RBBP4: variants seen among roughly 807,000 people sequenced by gnomAD.
The protein encoded by RBBP4 is RB binding protein 4, chromatin remodeling factor.
In RBBP4, 3 loss-of-function variants were observed where a neutral mutation model predicts 57.2. The observed-to-expected ratio is 0.05, with a 90% CI of 0.02 to 0.14. RBBP4 has a LOEUF of 0.14. Ranked by LOEUF, RBBP4 falls within the 10% of genes least tolerant of loss-of-function variation. The pLI is 1.00. For missense variants in RBBP4, 107 were observed against 520.6 expected (o/e 0.21, Z 7.73); for synonymous variants, 151 against 171.5 (o/e 0.88, Z 0.93).
At chr1:32,662,480 A>G (rs1085423) in intron 3 of RBBP4, 149,438 of 153,528 alleles carry the variant, frequency 0.97, 72,858 homozygotes, top group East Asian at 1. Flanking sequence ...AGGTTCAAGC[A>G]ATTCTCCTGT....
rs756333133 is a variant in RBBP4 at position 32,673,550 on chromosome 1, G to C, written c.1212+649G>C. The C allele has an allele frequency of 4.9e-5, 19 of 390,180 alleles. No homozygotes were observed. In the East Asian group the frequency reaches 7.3e-4, roughly 15 times the overall value. 24.2% of individuals were successfully genotyped at this position (390,180 alleles called of 1,614,324 possible). Reference sequence around the variant, plus strand: ...CCTCCCAGGTTCGATCGATTCTCCTGCCTCAGCCTTCTGAGTAGCTGGGAC... The same window carrying C: ...CCTCCCAGGTTCGATCGATTCTCCTCCCTCAGCCTTCTGAGTAGCTGGGAC... On this transcript the variant is annotated intron_variant, in intron 11 of 11. Coordinates refer to ENST00000373493, the MANE Select transcript of RBBP4 (RefSeq NM_005610.3).
In RBBP4 at chr1:32,683,686, T is replaced by TACA. The variant is rs1649604934; in HGVS notation, c.*3981_*3982insACA. The stretch of plus-strand genomic sequence containing the variant: ...TCTCACTCTGTTGTACAAGCTGGAG[T>TACA]GCTGTATTGTGATCTTGACTCACTG... On this transcript the variant is annotated 3_prime_UTR_variant, in exon 12 of 12. Coordinates refer to ENST00000373493, the MANE Select transcript of RBBP4 (RefSeq NM_005610.3). The TACA allele has an allele frequency of 4.4e-6, 1 of 228,126 alleles. No individual in the cohort carries two copies. The highest frequency in any genetic ancestry group is 8.7e-6 in the Non-Finnish European group (1 of 114,810). 14.1% of individuals were successfully genotyped at this position (228,126 alleles called of 1,614,324 possible). A position where few individuals can be genotyped will look rare whatever the true frequency, so the allele number is the denominator to read the frequency against.
chr1:32,668,824 T>C lies in RBBP4; in HGVS notation c.570T>C (p.Ser190=). 1 of 1,614,210 alleles carries C rather than the reference T, an allele frequency of 6.2e-7. No individual in the cohort carries two copies. The highest frequency in any genetic ancestry group is 1.1e-5 in the South Asian group (1 of 91,088). The change falls in exon 5 of 12, where the codon AGT becomes AGC. Residue 190 remains serine, a synonymous_variant. Transcript: ENST00000373493. ...GGCTTTCTTGGAACCCAAATCTCAG[T>C]GGGCACTTACTTAGTGCTTCAGATG... The part of the protein sequence containing the change: ...GYGLSWNPNL[S]GHLLSASDDH...
intron 4 of RBBP4, 126 bp from the exon 5 acceptor site, chr1:32,668,613 C>T: frequency 1.2e-6 from 1 of 857,788 alleles, no homozygotes; most frequent in South Asian, 1.7e-5. Context: ...TCTATTTGAT[C>T]ATAACGGTTC....
At position 32,681,756 on chromosome 1, in the gene RBBP4, T is replaced by G. The variant is rs6659926; in HGVS notation, c.*2051T>G. 2.9e-3 allele frequency: 4,624 copies of G among 1,607,186 alleles called. 33 individuals are homozygous for G. The highest frequency in any genetic ancestry group is 0.027 in the Middle Eastern group (163 of 6,048). On this transcript the variant is annotated 3_prime_UTR_variant, in exon 12 of 12. Transcript: ENST00000373493. ...TTGCTTGCCAAGTTTCTGGCACTCT[T>G]GTCTGGTTGGAAGAGTACATCCAAA...
intron 2 of RBBP4, among the ~76,000 whole-genome samples, chr1:32,652,984 G>A (rs1047515733): frequency 1.3e-5 from 2 of 152,144 alleles, no homozygotes; most frequent in African/African-American, 2.4e-5. Flanking sequence ...GATAATTAGG[G>A]TACCTAGAAA....
intron 3 of RBBP4, 106 bp from the exon 4 acceptor site, chr1:32,668,119 C>G: frequency 1.9e-6 from 2 of 1,047,086 alleles, no homozygotes; most frequent in Non-Finnish European, 2.7e-6. Flanking sequence ...TAGTATTATG[C>G]CAGTTTGTTG....
chr1:32,681,729 A>G lies in RBBP4; in HGVS notation c.*2024A>G, dbSNP rs1461409321. 7.8e-6 allele frequency: 12 copies of G among 1,533,258 alleles called. No homozygotes were observed. The highest frequency in any genetic ancestry group is 1.1e-5 in the Non-Finnish European group (12 of 1,110,342). 95.0% of individuals were successfully genotyped at this position (1,533,258 alleles called of 1,614,324 possible). On this transcript the variant is annotated 3_prime_UTR_variant, in exon 12 of 12. Coordinates refer to ENST00000373493, the MANE Select transcript of RBBP4 (RefSeq NM_005610.3). ...CAGTATTTGCAACTTCCACAGGATG[A>G]ATTGCTTGCCAAGTTTCTGGCACTC...
intron 2 of RBBP4, among the ~76,000 whole-genome samples, chr1:32,655,719 A>C (rs1178800441): frequency 6.6e-6 from 1 of 152,166 alleles, no homozygotes; most frequent in African/African-American, 2.4e-5. Flanking sequence ...GCCTTACCCC[A>C]ACTTTCTCTC....
chr1:32,651,595 A>G (rs371587221), intron 1 of RBBP4: 1 of 954,832 alleles, frequency 1.0e-6, no homozygotes, highest in African/African-American at 1.7e-5. Context: ...CTCTGTCCCG[A>G]GCGTGGGGAC....
chr1:32,668,599 A>AT (rs1156617642), intron 4 of RBBP4, 140 bp from the exon 5 acceptor site: 1 of 849,340 alleles, frequency 1.2e-6, no homozygotes, highest in Non-Finnish European at 1.8e-6. Flanking sequence ...CTGTTTAAGC[A>AT]TTATCTATTT....
intron 8 of RBBP4, among the ~76,000 whole-genome samples, chr1:32,670,508 C>T (rs546840717): frequency 6.6e-6 from 1 of 152,260 alleles, no homozygotes; most frequent in South Asian, 2.1e-4. Flanking sequence ...CTTGTTGCTA[C>T]GGCACTATGA....
At position 32,683,822 on chromosome 1, in the gene RBBP4, G is replaced by A. The variant is rs1443721374; in HGVS notation, c.*4117G>A. The A allele has an allele frequency of 1.7e-6, 1 of 581,492 alleles. No homozygotes were observed. Among genetic ancestry groups the A allele is most frequent in the Non-Finnish European group, 3.1e-6 (1 of 324,828 alleles). The allele number at this position is 581,492 out of a possible 1,614,324, so 36.0% of individuals were successfully genotyped here. A position where few individuals can be genotyped will look rare whatever the true frequency, so the allele number is the denominator to read the frequency against. ...TAATTTTTGTATTTTTAGTGGAGATGGAGTTTTGCCATGTTGGCCAGGCTG... is the reference window on the plus strand; with the variant it reads ...TAATTTTTGTATTTTTAGTGGAGATAGAGTTTTGCCATGTTGGCCAGGCTG... On this transcript the variant is annotated 3_prime_UTR_variant, in exon 12 of 12. Transcript: ENST00000373493.
At chr1:32,659,150 AAT>A (rs1056263412) in intron 3 of RBBP4, among the ~76,000 whole-genome samples, 9 of 148,210 alleles carry the variant, frequency 6.1e-5, no homozygotes, top group African/African-American at 2.0e-4. Context: ...ATATATATAA[AAT>A]ATATGTAATT....
At chr1:32,659,603 A>G (rs1648313473) in intron 3 of RBBP4, among the ~76,000 whole-genome samples, 1 of 151,982 alleles carries the variant, frequency 6.6e-6, no homozygotes, top group Non-Finnish European at 1.5e-5. Flanking sequence ...CCTGGATATC[A>G]CTTAAATGGA....
intron 11 of RBBP4, among the ~76,000 whole-genome samples, chr1:32,679,349 A>G (rs541393178): frequency 6.6e-6 from 1 of 152,240 alleles, no homozygotes; most frequent in African/African-American, 2.4e-5. Context: ...AATGTTGGCT[A>G]TCAAGACAAA....
intron 3 of RBBP4, among the ~76,000 whole-genome samples, chr1:32,664,006 A>G (rs1021719937): frequency 6.7e-6 from 1 of 150,186 alleles, no homozygotes; most frequent in African/African-American, 2.5e-5. Context: ...GGCCCACTGC[A>G]AGCTCCGCCT....
intron 11 of RBBP4, among the ~76,000 whole-genome samples, 181 bp from the exon 12 acceptor site, chr1:32,679,459 T>C (rs1225302046): frequency 6.6e-6 from 1 of 152,194 alleles, no homozygotes; most frequent in African/African-American, 2.4e-5. Context: ...TAATATTTCA[T>C]TACCCATTAT....
chr1:32,672,665 C>T lies in RBBP4; in HGVS notation c.1067C>T (p.Pro356Leu). The T allele has an allele frequency of 6.2e-7, 1 of 1,613,984 alleles. No homozygotes were observed. Among genetic ancestry groups the T allele is most frequent in the Non-Finnish European group, 8.5e-7 (1 of 1,179,904 alleles). Reference sequence around the variant, plus strand: ...AGTAAAATTGGAGAGGAACAATCCCCAGAAGATGCAGAAGACGGGCCACCA... The same window carrying T: ...AGTAAAATTGGAGAGGAACAATCCCTAGAAGATGCAGAAGACGGGCCACCA... ...DLSKIGEEQSPEDAEDGPPEL... is the reference protein window; with the variant it reads ...DLSKIGEEQSLEDAEDGPPEL... The change falls in exon 10 of 12, where the codon CCA becomes CTA. Residue 356 changes from proline (P) to leucine (L), a missense_variant. This residue lies in a region of RBBP4 where 1 missense variants were observed against 60.2 expected (regional missense o/e 0.02). Transcript: ENST00000373493.
Sources: gnomAD v4.1 joint callset for allele counts (sites outside exome capture counted in the v4.1 genomes callset) on GRCh38, gnomAD v4.1.1 for gene constraint, gnomAD v4.1.1 regional missense constraint, MANE v1.5 for transcripts, NCBI Gene and HGNC (gene_info 2026-07-23, HGNC 2026-07-21) for gene names.